The following MYT1L variants were observed in gnomAD, a reference collection of about 807,000 sequenced individuals.
MYT1L encodes the protein myelin transcription factor 1-like protein.
Under a neutral mutation model 126.7 loss-of-function variants are expected in MYT1L, and 12 were observed. The ratio of observed to expected loss-of-function variants is 0.09; its 90% CI spans 0.06 to 0.15. MYT1L has a LOEUF of 0.15. Ranked by LOEUF, MYT1L falls within the 10% of genes least tolerant of loss-of-function variation. The pLI is 1.00. For missense variants in MYT1L, 979 were observed against 1,585.2 expected (o/e 0.62, Z 6.49); for synonymous variants, 541 against 604.2 (o/e 0.90, Z 1.53).
intron 8 of MYT1L, among the ~76,000 whole-genome samples, chr2:1,951,359 T>G (rs557733657): frequency 6.6e-6 from 1 of 151,622 alleles, no homozygotes; most frequent in African/African-American, 2.4e-5. Context: ...GGGACAGAGA[T>G]GAAGAGGTCA....
Position 1,892,226 on chromosome 2 carries a change from G to T in MYT1L, c.2094C>A (p.Ser698Arg). 1 of 1,550,214 alleles carries T rather than the reference G, an allele frequency of 6.5e-7. No individual in the cohort carries two copies. The highest frequency in any genetic ancestry group is 8.7e-7 in the Non-Finnish European group (1 of 1,146,564). ...CGCCGCAGCTCAGGTTGCTGCTGCT[G>T]CTGGGCGCGTAGCTGCTGGTGCTGC... ...SSSSTSSYAP[S>R]SSSNLSCGGG... The change falls in exon 15 of 25, where the codon AGC becomes AGA. Residue 698 changes from serine (S) to arginine (R), a missense_variant. Ser to Arg is a moderately radical substitution (Grantham distance 110). Transcript: ENST00000647738.
intron 19 of MYT1L, among the ~76,000 whole-genome samples, chr2:1,849,708 G>A (rs192919863): frequency 5.1e-4 from 78 of 152,376 alleles, no homozygotes; most frequent in African/African-American, 8.2e-4. Flanking sequence ...AGCTTGCAAC[G>A]TTGGCACGGA....
At chr2:2,119,885 C>T (rs1010290477) in intron 3 of MYT1L, among the ~76,000 whole-genome samples, 1 of 151,950 alleles carries the variant, frequency 6.6e-6, no homozygotes, top group Admixed American at 6.6e-5. Context: ...AGCTATCTTA[C>T]GTCACTTACA....
intron 23 of MYT1L, among the ~76,000 whole-genome samples, chr2:1,797,898 C>CTCCAT: frequency 2.3e-5 from 2 of 88,298 alleles, no homozygotes; most frequent in African/African-American, 4.4e-5. Context: ...GGCGGTCTCC[C>CTCCAT]CCTTCTCCGG....
At position 2,232,882 on chromosome 2, in the gene MYT1L, T is replaced by C. The variant is rs184895302; in HGVS notation, c.-421+51522A>G. On this transcript the variant is annotated intron_variant, in intron 2 of 24. Coordinates refer to ENST00000647738, the MANE Select transcript of MYT1L (RefSeq NM_001303052.2). ...GTCCTCATGGCTCCCTTCTCTCTGA[T>C]TGTACTGCCTCTGGGTTGATATTTC... Among the ~76,000 whole-genome samples, 12 of 152,284 alleles carry C rather than the reference T, an allele frequency of 7.9e-5. No homozygotes were observed. The East Asian group carries it at 1.9e-3, about 25-fold the overall frequency.
In MYT1L at chr2:1,793,768, C is replaced by T. The variant is rs987036586; in HGVS notation, c.3277-1304G>A. ...AATCACACAGATTTATTTCCATGCA[C>T]GTCCTGGGTGACCTTCTCATTCGTG... On this transcript the variant is annotated intron_variant, in intron 23 of 24. Coordinates refer to ENST00000647738, the MANE Select transcript of MYT1L (RefSeq NM_001303052.2). The surrounding 1 kb of genome is among the most constrained non-coding windows in gnomAD (Gnocchi z 4.6). Among the ~76,000 whole-genome samples, 8 of 152,284 alleles carry T rather than the reference C, an allele frequency of 5.3e-5. No homozygotes were observed. Among genetic ancestry groups the T allele is most frequent in the East Asian group, 1.9e-4 (1 of 5,150 alleles).
chr2:2,313,154 G>A (rs1427430567), intron 1 of MYT1L, among the ~76,000 whole-genome samples: 2 of 152,102 alleles, frequency 1.3e-5, no homozygotes, highest in Non-Finnish European at 2.9e-5. Flanking sequence ...AATTAAGGCA[G>A]GGTGAAAGAA....
At chr2:2,183,610 A>G (rs1247430680) in intron 2 of MYT1L, among the ~76,000 whole-genome samples, 1 of 152,182 alleles carries the variant, frequency 6.6e-6, no homozygotes, top group Non-Finnish European at 1.5e-5. Context: ...AGAGATCCAT[A>G]TTTTAGCACA....
At chr2:2,206,928 T>C (rs1215179780) in intron 2 of MYT1L, among the ~76,000 whole-genome samples, 1 of 152,200 alleles carries the variant, frequency 6.6e-6, no homozygotes, top group Non-Finnish European at 1.5e-5. Context: ...GAAGGCTGCA[T>C]TGTAGGAGTC....
chr2:2,174,852 A>C (rs1035429481), intron 2 of MYT1L, among the ~76,000 whole-genome samples: 2 of 152,088 alleles, frequency 1.3e-5, no homozygotes, highest in Non-Finnish European at 2.9e-5. Context: ...TGAGTGAATA[A>C]ATCTCTCTGA....
At chr2:1,882,082 C>G (rs1189361469) in intron 18 of MYT1L, among the ~76,000 whole-genome samples, 1 of 152,188 alleles carries the variant, frequency 6.6e-6, no homozygotes, top group Non-Finnish European at 1.5e-5. Flanking sequence ...GCACCCCTTC[C>G]CCGCTTTCCT....
chr2:1,791,839 G>A lies in MYT1L; in HGVS notation c.*28C>T. ...AAAAAACAAGAGGCATCCTTTTTAA[G>A]CAAGAGTTTCATCACTACAGCAGCT... On this transcript the variant is annotated 3_prime_UTR_variant, in exon 25 of 25. Transcript: ENST00000647738. The surrounding 1 kb of genome is among the most constrained non-coding windows in gnomAD (Gnocchi z 6.0). 6.5e-7 allele frequency: 1 copy of A among 1,527,300 alleles called. No individual in the cohort carries two copies. The highest frequency in any genetic ancestry group is 8.8e-7 in the Non-Finnish European group (1 of 1,142,654). The allele number at this position is 1,527,300 out of a possible 1,614,324, so 94.6% of individuals were successfully genotyped here.
chr2:2,269,866 T>A (rs2095227753), intron 2 of MYT1L, among the ~76,000 whole-genome samples: 1 of 152,238 alleles, frequency 6.6e-6, no homozygotes, highest in African/African-American at 2.4e-5. Flanking sequence ...GAATTATGTC[T>A]TGCTATTCCC....
At chr2:2,153,215 C>T (rs562340928) in intron 3 of MYT1L, among the ~76,000 whole-genome samples, 11 of 152,216 alleles carry the variant, frequency 7.2e-5, no homozygotes, top group African/African-American at 2.2e-4. Context: ...GGGAGGATGG[C>T]TTGTGACCAG....
intron 1 of MYT1L, among the ~76,000 whole-genome samples, chr2:2,321,900 A>G (rs369724257): frequency 1.3e-5 from 2 of 152,158 alleles, no homozygotes; most frequent in East Asian, 3.9e-4. Context: ...ATTGAGTCCT[A>G]AAGTTCTTTC....
chr2:1,945,524 A>G (rs2057130093), intron 8 of MYT1L, among the ~76,000 whole-genome samples: 1 of 152,206 alleles, frequency 6.6e-6, no homozygotes, highest in Admixed American at 6.5e-5. Flanking sequence ...TGTGTGGACC[A>G]GGAGGAGCTT....
intron 21 of MYT1L, among the ~76,000 whole-genome samples, chr2:1,834,836 A>G (rs537830653): frequency 1.4e-4 from 20 of 144,204 alleles, no homozygotes; most frequent in East Asian, 8.4e-4. Context: ...GGATACAGGT[A>G]CTCCTCCACA....
intron 2 of MYT1L, among the ~76,000 whole-genome samples, chr2:2,214,471 A>G (rs1244440611): frequency 1.3e-5 from 2 of 152,180 alleles, no homozygotes; most frequent in Non-Finnish European, 2.9e-5. Context: ...TTAAAGGCAG[A>G]TAATAGGGAA....
chr2:2,135,403 C>G (rs1475937317), intron 3 of MYT1L, among the ~76,000 whole-genome samples: 1 of 152,216 alleles, frequency 6.6e-6, no homozygotes, highest in East Asian at 1.9e-4. Context: ...CCATGTGGAA[C>G]TGTGAGTCCA....
Sources: allele counts gnomAD v4.1 joint callset (sites outside exome capture counted in the v4.1 genomes callset), GRCh38; gene constraint gnomAD v4.1.1; non-coding constraint Gnocchi (gnomAD v3.1); transcripts MANE v1.5; gene names NCBI Gene and HGNC (gene_info 2026-07-23, HGNC 2026-07-21).